The following SPATA17 variants were observed in gnomAD, a reference collection of about 807,000 sequenced individuals.
SPATA17 encodes the protein spermatogenesis associated 17.
In SPATA17, 53 loss-of-function variants were observed where a neutral mutation model predicts 62.2. The observed-to-expected ratio is 0.85, with a 90% confidence interval of 0.68 to 1.07. SPATA17 has a LOEUF of 1.07. Among genes scored for constraint, SPATA17 ranks in the 50% least tolerant of loss-of-function variants. The pLI is 0.00. For missense variants in SPATA17, 466 were observed against 425.5 expected, an observed-to-expected ratio of 1.10 and a Z score of -0.84; for synonymous variants, 146 against 146.8, an observed-to-expected ratio of 0.99 and a Z score of 0.04.
intron 3 of SPATA17, among the ~76,000 whole-genome samples, chr1:217,663,445 CAAA>C (rs199729272): frequency 3.5e-5 from 4 of 115,074 alleles, no homozygotes; most frequent in Admixed American, 1.8e-4. Flanking sequence ...AACTCCATCT[CAAA>C]AAAAAAAAAA....
chr1:217,726,716 T>TG (rs1006939501), intron 5 of SPATA17, among the ~76,000 whole-genome samples: 5 of 137,816 alleles, frequency 3.6e-5, no homozygotes, highest in South Asian at 2.2e-4. Flanking sequence ...TATTTTTGTG[T>TG]GTTTTTTTTT....
chr1:217,807,647 G>T (rs1674470494), intron 9 of SPATA17, among the ~76,000 whole-genome samples: 1 of 151,764 alleles, frequency 6.6e-6, no homozygotes, highest in Non-Finnish European at 1.5e-5. Flanking sequence ...TATATTTATT[G>T]CCCATATTAC....
chr1:217,818,700 A>G (rs1674782278), intron 9 of SPATA17, among the ~76,000 whole-genome samples: 1 of 151,888 alleles, frequency 6.6e-6, no homozygotes, highest in South Asian at 2.1e-4. Flanking sequence ...TCCTTTCAAT[A>G]TGTAGATTTA....
chr1:217,800,298 G>A (rs943472945), intron 8 of SPATA17, among the ~76,000 whole-genome samples: 10 of 151,976 alleles, frequency 6.6e-5, no homozygotes, highest in Admixed American at 6.6e-5. Context: ...ATTTGAACTC[G>A]TTTCTCTGAG....
chr1:217,664,289 CTTTTTTT>C (rs34166363), intron 3 of SPATA17, among the ~76,000 whole-genome samples: 2 of 75,800 alleles, frequency 2.6e-5, no homozygotes, highest in Admixed American at 1.5e-4. Flanking sequence ...TGTTAAAAAT[CTTTTTTT>C]TTTTTTTTTT....
Position 217,815,434 on chromosome 1 carries a change from G to A in SPATA17, c.1005+13584G>A, listed in dbSNP as rs189949642. Among the ~76,000 whole-genome samples the A allele has an allele frequency of 3.3e-5, 5 of 152,216 alleles. No homozygotes were observed. In the East Asian group the frequency reaches 9.6e-4, roughly 29 times the overall value. On this transcript the variant is annotated intron_variant, in intron 9 of 10. Transcript: ENST00000366933. The stretch of plus-strand genomic sequence containing the variant: ...GCCCCTATCAAACCATTTAGCAGCA[G>A]CGTGTTTTGGGTACTGCCACTGAGA...
chr1:217,702,939 A>T lies in SPATA17; in HGVS notation c.395+19578A>T, dbSNP rs149366806. Reference sequence around the variant, plus strand: ...CTCTGTTGCCCAGGCTGGAGTGGCGACATCTCGGCTCACTACAACTTCCAT... The same window carrying T: ...CTCTGTTGCCCAGGCTGGAGTGGCGTCATCTCGGCTCACTACAACTTCCAT... On this transcript the variant is annotated intron_variant, in intron 5 of 10. Coordinates refer to ENST00000366933, the MANE Select transcript of SPATA17 (RefSeq NM_138796.4). 3.7e-3 allele frequency among the ~76,000 whole-genome samples: 541 copies of T among 144,502 alleles called. 5 individuals are homozygous for T. Among genetic ancestry groups the T allele is most frequent in the African/African-American group, 0.014 (523 of 38,538 alleles). 94.8% of individuals were successfully genotyped at this position (144,502 alleles called of 152,430 possible).
At chr1:217,677,602 T>C (rs1161565028) in intron 4 of SPATA17, among the ~76,000 whole-genome samples, 2 of 152,100 alleles carry the variant, frequency 1.3e-5, no homozygotes, top group African/African-American at 2.4e-5. Context: ...TATCAGCCTA[T>C]GGAAGAAAAG....
At chr1:217,757,825 A>G (rs1673085216) in intron 6 of SPATA17, among the ~76,000 whole-genome samples, 1 of 152,228 alleles carries the variant, frequency 6.6e-6, no homozygotes, top group Non-Finnish European at 1.5e-5. Flanking sequence ...CAAGTGGAAG[A>G]AGACCTGAAC....
intron 9 of SPATA17, among the ~76,000 whole-genome samples, chr1:217,813,330 G>T (rs1361929920): frequency 6.6e-6 from 1 of 152,150 alleles, no homozygotes. Context: ...TAATTGATGT[G>T]CAAGTGCAGT....
At chr1:217,796,225 C>T (rs1167848256) in intron 8 of SPATA17, among the ~76,000 whole-genome samples, 5 of 152,012 alleles carry the variant, frequency 3.3e-5, no homozygotes, top group African/African-American at 4.8e-5. Flanking sequence ...TATTTAGTTG[C>T]GGCCTTTAAC....
intron 5 of SPATA17, among the ~76,000 whole-genome samples, chr1:217,722,554 T>A (rs1406784243): frequency 6.6e-6 from 1 of 152,204 alleles, no homozygotes; most frequent in Non-Finnish European, 1.5e-5. Flanking sequence ...TTTTAGAGAA[T>A]AACCTTTAAT....
rs1252679763 is a variant in SPATA17, at chr1:217,801,944, A to G, written c.1005+94A>G. ...AATATAAATATTCTTATTACAATTAAGACCTTTATGGTAACAACATTTTTT... is the reference window on the plus strand; with the variant it reads ...AATATAAATATTCTTATTACAATTAGGACCTTTATGGTAACAACATTTTTT... On this transcript the variant is annotated intron_variant, in intron 9 of 10. Transcript: ENST00000366933. 7 of 1,287,024 alleles carry G rather than the reference A, an allele frequency of 5.4e-6. No homozygotes were observed. The East Asian group carries it at 1.8e-4, about 34-fold the overall frequency. The allele number at this position is 1,287,024 out of a possible 1,614,324, so 79.7% of individuals were successfully genotyped here.
At chr1:217,756,479 G>A (rs973198507) in intron 6 of SPATA17, among the ~76,000 whole-genome samples, 22 of 152,088 alleles carry the variant, frequency 1.4e-4, no homozygotes, top group African/African-American at 5.3e-4. Flanking sequence ...TCAAAACCAC[G>A]CTTCCCGTTT....
At chr1:217,649,118 G>GATCTTTT in intron 2 of SPATA17, 147 bp downstream of exon 2, 1 of 562,304 alleles carries the variant, frequency 1.8e-6, no homozygotes. Context: ...TCTTTTAAAA[G>GATCTTTT]AAATACATAG....
At chr1:217,826,930 T>C (rs1419161157) in intron 9 of SPATA17, among the ~76,000 whole-genome samples, 2 of 152,136 alleles carry the variant, frequency 1.3e-5, no homozygotes, top group African/African-American at 4.8e-5. Flanking sequence ...GAGGACTATA[T>C]AAACTATACT....
intron 9 of SPATA17, among the ~76,000 whole-genome samples, chr1:217,861,342 A>G (rs1344000904): frequency 1.3e-5 from 2 of 150,576 alleles, no homozygotes; most frequent in Admixed American, 1.3e-4. Flanking sequence ...TTCTTTTAAC[A>G]TATCTTGCAA....
chr1:217,783,819 T>C (rs986617911), intron 8 of SPATA17, among the ~76,000 whole-genome samples: 1 of 152,134 alleles, frequency 6.6e-6, no homozygotes, highest in African/African-American at 2.4e-5. Flanking sequence ...GCTATCAATG[T>C]TATCCCCAAA....
intron 1 of SPATA17, among the ~76,000 whole-genome samples, chr1:217,643,649 A>T (rs1280164134): frequency 6.6e-6 from 1 of 151,936 alleles, no homozygotes; most frequent in African/African-American, 2.4e-5. Context: ...CTTGAGACTT[A>T]ATTGTTCAGG....
Sources: gnomAD v4.1 joint callset for allele counts (sites outside exome capture counted in the v4.1 genomes callset) on GRCh38, gnomAD v4.1.1 for gene constraint, MANE v1.5 for transcripts, NCBI Gene and HGNC (gene_info 2026-07-23, HGNC 2026-07-21) for gene names.